Variants in CCDC178 observed in about 807,000 individuals in gnomAD.
CCDC178 encodes the protein coiled-coil domain containing 178.
CCDC178 carries 126 observed loss-of-function variants against 117.4 expected under a neutral mutation model. The ratio of observed to expected loss-of-function variants is 1.07; its 90% CI spans 0.93 to 1.24. CCDC178 has a LOEUF of 1.24. Ranked by LOEUF, CCDC178 falls within the 50% of genes most tolerant of loss-of-function variation. CCDC178 has a pLI of 0.00. For synonymous variants in CCDC178, 283 were observed against 313.4 expected (o/e 0.90, Z 1.02); for missense variants, 1,030 against 986.9 (o/e 1.04, Z -0.59).
chr18:33,252,119 C>T (rs906082692), intron 14 of CCDC178, among the ~76,000 whole-genome samples: 17 of 151,576 alleles, frequency 1.1e-4, no homozygotes, highest in African/African-American at 3.4e-4. Context: ...TATCTGAAAG[C>T]GGATAATTAA....
chr18:33,163,952 C>T (rs1851758172), intron 20 of CCDC178, among the ~76,000 whole-genome samples: 1 of 152,114 alleles, frequency 6.6e-6, no homozygotes, highest in African/African-American at 2.4e-5. Flanking sequence ...ACATGTATAA[C>T]TGCAATTCAA....
At chr18:33,245,616 C>A (rs114278653) in intron 14 of CCDC178, among the ~76,000 whole-genome samples, 188 bp from the exon 15 acceptor site, 1 of 151,750 alleles carries the variant, frequency 6.6e-6, no homozygotes, top group Non-Finnish European at 1.5e-5. Context: ...CTGATGGTTA[C>A]CCCTAATTGT....
intron 20 of CCDC178, among the ~76,000 whole-genome samples, chr18:33,143,630 G>A (rs1396890534): frequency 6.6e-6 from 1 of 152,032 alleles, no homozygotes; most frequent in Non-Finnish European, 1.5e-5. Context: ...TACTTGAAGT[G>A]GGTAGACCTT....
At chr18:33,385,064 T>C (rs918824288) in intron 5 of CCDC178, among the ~76,000 whole-genome samples, 1 of 152,146 alleles carries the variant, frequency 6.6e-6, no homozygotes, top group Non-Finnish European at 1.5e-5. Flanking sequence ...GAGGTTGCAA[T>C]TGTAGTTTCT....
At chr18:33,076,093 C>A (rs540294029) in intron 21 of CCDC178, among the ~76,000 whole-genome samples, 1 of 152,328 alleles carries the variant, frequency 6.6e-6, no homozygotes, top group Non-Finnish European at 1.5e-5. Context: ...CATGGAATTA[C>A]TTCTTTATTC....
At chr18:33,209,539 T>A (rs2059083097) in intron 20 of CCDC178, among the ~76,000 whole-genome samples, 1 of 152,182 alleles carries the variant, frequency 6.6e-6, no homozygotes, top group East Asian at 1.9e-4. Context: ...GCAGGGATCC[T>A]TTACATTACA....
At chr18:33,288,775 A>C (rs908185254) in intron 12 of CCDC178, among the ~76,000 whole-genome samples, 16 of 152,158 alleles carry the variant, frequency 1.1e-4, no homozygotes, top group Non-Finnish European at 2.1e-4. Flanking sequence ...AAAAGATTTC[A>C]GCTACACAAT....
intron 21 of CCDC178, among the ~76,000 whole-genome samples, chr18:32,991,159 A>G (rs1369792641): frequency 6.6e-6 from 1 of 152,162 alleles, no homozygotes; most frequent in Non-Finnish European, 1.5e-5. Flanking sequence ...GATTCTTAGT[A>G]GCAAGAACAA....
At chr18:33,226,495 C>T (rs184065310) in intron 16 of CCDC178, among the ~76,000 whole-genome samples, 10 of 152,276 alleles carry the variant, frequency 6.6e-5, no homozygotes, top group Admixed American at 5.2e-4. Flanking sequence ...CATAACATCA[C>T]CACAAAGCAA....
At chr18:33,101,443 C>T (rs271485) in intron 20 of CCDC178, among the ~76,000 whole-genome samples, 13,989 of 151,678 alleles carry the variant, frequency 0.092, 901 homozygotes, top group African/African-American at 0.18. Flanking sequence ...ACTTCACTGG[C>T]GGAAAAGGCT....
At chr18:33,257,364 T>C (rs1168640455) in intron 14 of CCDC178, among the ~76,000 whole-genome samples, 3 of 152,132 alleles carry the variant, frequency 2.0e-5, no homozygotes, top group Admixed American at 6.6e-5. Flanking sequence ...TTATTTTCTA[T>C]TCACTTAAGT....
At chr18:32,977,153 C>T (rs573363010) in intron 21 of CCDC178, among the ~76,000 whole-genome samples, 64 of 152,174 alleles carry the variant, frequency 4.2e-4, no homozygotes, top group Admixed American at 1.4e-3. Flanking sequence ...GATTAACCCC[C>T]GTTTACAGCT....
chr18:32,961,547 C>T (rs2144659896), intron 22 of CCDC178, among the ~76,000 whole-genome samples: 1 of 152,172 alleles, frequency 6.6e-6, no homozygotes, highest in African/African-American at 2.4e-5. Flanking sequence ...CAGTAGTTCC[C>T]AACCTTTTTG....
intron 8 of CCDC178, 147 bp from the exon 9 acceptor site, chr18:33,346,558 T>C (rs2062897012): frequency 1.5e-5 from 6 of 394,162 alleles, no homozygotes; most frequent in South Asian, 1.1e-4. Context: ...AAAAAAGTTT[T>C]ATTATAATAC....
At chr18:33,342,634 T>C (rs2062831063) in intron 9 of CCDC178, among the ~76,000 whole-genome samples, 1 of 152,142 alleles carries the variant, frequency 6.6e-6, no homozygotes, top group Non-Finnish European at 1.5e-5. Flanking sequence ...GGGAAGGTGC[T>C]AGCCAAAGAG....
In CCDC178 at chr18:33,071,999, T is replaced by C. The variant is rs1313382184; in HGVS notation, c.2388+20762A>G. ...ATAATATTAATCAACAATGTGATGC[T>C]ACTGTGAATACTGCCTATACTCCAC... On this transcript the variant is annotated intron_variant, in intron 21 of 22. Transcript: ENST00000383096. 2.0e-5 allele frequency among the ~76,000 whole-genome samples: 3 copies of C among 152,122 alleles called. No homozygotes were observed. The East Asian group carries it at 5.8e-4, about 29-fold the overall frequency.
chr18:33,170,300 T>G (rs1190164464), intron 20 of CCDC178, among the ~76,000 whole-genome samples: 2 of 152,208 alleles, frequency 1.3e-5, no homozygotes, highest in African/African-American at 4.8e-5. Context: ...GTGAAATCTA[T>G]AAGCATAAAT....
At chr18:33,407,850 A>T (rs1177308871) in intron 3 of CCDC178, among the ~76,000 whole-genome samples, 1 of 151,876 alleles carries the variant, frequency 6.6e-6, no homozygotes, top group Non-Finnish European at 1.5e-5. Context: ...CAGAAAAAAA[A>T]TAATAAAAAT....
At chr18:33,020,933 T>C (rs1019555468) in intron 21 of CCDC178, among the ~76,000 whole-genome samples, 1 of 152,166 alleles carries the variant, frequency 6.6e-6, no homozygotes, top group African/African-American at 2.4e-5. Flanking sequence ...AGCCATCACA[T>C]GAAGAAATGA....
Sources: allele counts gnomAD v4.1 joint callset (sites outside exome capture counted in the v4.1 genomes callset), GRCh38; gene constraint gnomAD v4.1.1; transcripts MANE v1.5; gene names NCBI Gene and HGNC (gene_info 2026-07-23, HGNC 2026-07-21).